Variants in SIT1 observed in about 807,000 individuals in gnomAD.
SIT1 encodes the protein signaling threshold-regulating transmembrane adapter 1.
Under a neutral mutation model 23.5 loss-of-function variants are expected in SIT1, and 19 were observed. The observed-to-expected ratio is 0.81, with a 90% CI of 0.56 to 1.19. The LOEUF is 1.19. Ranked by LOEUF, SIT1 falls within the 50% of genes most tolerant of loss-of-function variation. The probability of loss-of-function intolerance (pLI) is 0.00; values close to 1 mark genes in which losing one functional copy is unlikely to be tolerated. For missense variants in SIT1, 213 were observed against 254.9 expected, an observed-to-expected ratio of 0.84 and a Z score of 1.12; for synonymous variants, 114 against 109.1, an observed-to-expected ratio of 1.04 and a Z score of -0.28.
Position 35,649,936 on chromosome 9 carries a change from AGCTCCGGCTCGGGGC to A in SIT1, c.488_502del (p.Gly163_Leu168delinsVal). The A allele has an allele frequency of 6.3e-7, 1 of 1,585,438 alleles. No individual in the cohort carries two copies. The highest frequency in any genetic ancestry group is 8.6e-7 in the Non-Finnish European group (1 of 1,166,118). ...GGTCTGGGCACATACTGAGGCATAG[AGCTCCGGCTCGGGGC>A]CCGAGGCCTGGGACTTTGGCTCAGA... On this transcript the variant is annotated inframe_deletion, in exon 5 of 5. Transcript: ENST00000259608.
Position 35,650,319 on chromosome 9 carries a change from C to T in SIT1, c.295+38G>A. On this transcript the variant is annotated intron_variant, in intron 3 of 4. Transcript: ENST00000259608. This position sits in a 1 kb window ranked among gnomAD's most constrained non-coding sequence, Gnocchi z 4.8. ...ACGCCCCCATCCCAGCCACCCAGGA[C>T]CTGGCCTCTGTGCCCCTCCTCTCTG... The T allele has an allele frequency of 6.2e-7, 1 of 1,613,222 alleles. No homozygotes were observed. Among genetic ancestry groups the T allele is most frequent in the Non-Finnish European group, 8.5e-7 (1 of 1,179,332 alleles).
chr9:35,649,487 T>A lies in SIT1; in HGVS notation c.*361A>T. The A allele has an allele frequency of 5.3e-6, 1 of 188,258 alleles. No homozygotes were observed. Among genetic ancestry groups the A allele is most frequent in the Non-Finnish European group, 1.1e-5 (1 of 92,056 alleles). The allele number at this position is 188,258 out of a possible 1,614,324, so 11.7% of individuals were successfully genotyped here. A position where few individuals can be genotyped will look rare whatever the true frequency, so the allele number is the denominator to read the frequency against. The stretch of plus-strand genomic sequence containing the variant: ...CCACCCACTGTCAGGCCCTTACCCC[T>A]CCCCCACCGCCCACTTCCTGTGCCT... On this transcript the variant is annotated 3_prime_UTR_variant, in exon 5 of 5. Transcript: ENST00000259608.
At position 35,650,402 on chromosome 9, in the gene SIT1, C is replaced by T. The variant is rs1382532622; in HGVS notation, c.250G>A (p.Val84Met). The change falls in exon 3 of 5, where the codon GTG (valine) becomes ATG (methionine). Residue 84 changes from valine to methionine, a missense_variant. Val to Met is a conservative substitution (Grantham distance 21, BLOSUM62 1). Coordinates refer to ENST00000259608, the MANE Select transcript of SIT1 (RefSeq NM_014450.3). The surrounding 1 kb of genome is among the most constrained non-coding windows in gnomAD (Gnocchi z 4.8). ...HPGQGRSGESVEEVPLYGNLH... is the reference protein window; with the variant it reads ...HPGQGRSGESMEEVPLYGNLH... The stretch of plus-strand genomic sequence containing the variant: ...TTCCCATACAGCGGGACCTCTTCCA[C>T]AGACTCTCCAGAGCTGCAACGCAGA... 5 of 1,614,146 alleles carry T rather than the reference C, an allele frequency of 3.1e-6. No homozygotes were observed. Among genetic ancestry groups the T allele is most frequent in the Non-Finnish European group, 4.2e-6 (5 of 1,180,008 alleles).
rs1273419621 is a variant in SIT1, at chr9:35,650,467, T to G, written c.236+35A>C. On this transcript the variant is annotated intron_variant, in intron 2 of 4. Transcript: ENST00000259608. This position sits in a 1 kb window ranked among gnomAD's most constrained non-coding sequence, Gnocchi z 4.8. ...TGGGGACTTCTCGGTAAGAGAGAACTCTCAGTCAACCCATCCCTGTTGTCC... is the reference window on the plus strand; with the variant it reads ...TGGGGACTTCTCGGTAAGAGAGAACGCTCAGTCAACCCATCCCTGTTGTCC... 6.2e-7 allele frequency: 1 copy of G among 1,613,894 alleles called. No individual in the cohort carries two copies. The highest frequency in any genetic ancestry group is 1.3e-5 in the African/African-American group (1 of 74,972).
At position 35,650,688 on chromosome 9, in the gene SIT1, G is replaced by A. The variant is rs1823460419; in HGVS notation, c.101-51C>T. On this transcript the variant is annotated intron_variant, in intron 1 of 4. Coordinates refer to ENST00000259608, the MANE Select transcript of SIT1 (RefSeq NM_014450.3). This position sits in a 1 kb window ranked among gnomAD's most constrained non-coding sequence, Gnocchi z 4.8. ...GTAACAGCCCCGCCCCACCCCCAGG[G>A]CCCAGCAGGTGGGACCTGGGGCCAC... 4 of 1,610,994 alleles carry A rather than the reference G, an allele frequency of 2.5e-6. No homozygotes were observed. The highest frequency in any genetic ancestry group is 3.4e-6 in the Non-Finnish European group (4 of 1,178,030).
Position 35,650,336 on chromosome 9 carries a change from T to C in SIT1, c.295+21A>G. ...ACCCAGGACCTGGCCTCTGTGCCCC[T>C]CCTCTCTGCCAGCTCCCTACCTGTC... On this transcript the variant is annotated intron_variant, in intron 3 of 4. Transcript: ENST00000259608. The surrounding 1 kb of genome is among the most constrained non-coding windows in gnomAD (Gnocchi z 4.8). 1 of 1,613,818 alleles carries C rather than the reference T, an allele frequency of 6.2e-7. No individual in the cohort carries two copies. Among genetic ancestry groups the C allele is most frequent in the Non-Finnish European group, 8.5e-7 (1 of 1,179,828 alleles).
rs757045031 is a variant in SIT1 at position 35,650,844 on chromosome 9, C to A, written c.10G>T (p.Ala4Ser). The A allele has an allele frequency of 6.2e-7, 1 of 1,609,716 alleles. No homozygotes were observed. The highest frequency in any genetic ancestry group is 8.5e-7 in the Non-Finnish European group (1 of 1,177,870). Residue 4 changes from alanine (A) to serine (S), a missense_variant, in exon 1 of 5, where the codon GCT becomes TCT. Coordinates refer to ENST00000259608, the MANE Select transcript of SIT1 (RefSeq NM_014450.3). The surrounding 1 kb of genome is among the most constrained non-coding windows in gnomAD (Gnocchi z 4.8). MNQADPRLRAVCLW... is the reference protein window; with the variant it reads MNQSDPRLRAVCLW... ...CACACTGCTCTGAGCCGAGGGTCAG[C>A]CTGGTTCATGGCCTGACGGTTTCCA...
Position 35,650,882 on chromosome 9 carries a change from C to G in SIT1, c.-29G>C. Reference sequence around the variant, plus strand: ...CTGACGGTTTCCACAGCACTTCTTACTCCCATCCCTCCTCAGGCCCGTACC... The same window carrying G: ...CTGACGGTTTCCACAGCACTTCTTAGTCCCATCCCTCCTCAGGCCCGTACC... On this transcript the variant is annotated 5_prime_UTR_variant, in exon 1 of 5. Coordinates refer to ENST00000259608, the MANE Select transcript of SIT1 (RefSeq NM_014450.3). The surrounding 1 kb of genome is among the most constrained non-coding windows in gnomAD (Gnocchi z 4.8). 2 of 1,517,740 alleles carry G rather than the reference C, an allele frequency of 1.3e-6. No homozygotes were observed. Among genetic ancestry groups the G allele is most frequent in the Non-Finnish European group, 1.8e-6 (2 of 1,107,732 alleles). 94.0% of individuals were successfully genotyped at this position (1,517,740 alleles called of 1,614,324 possible).
chr9:35,650,482 C>A lies in SIT1; in HGVS notation c.236+20G>T. On this transcript the variant is annotated intron_variant, in intron 2 of 4. Coordinates refer to ENST00000259608, the MANE Select transcript of SIT1 (RefSeq NM_014450.3). This position sits in a 1 kb window ranked among gnomAD's most constrained non-coding sequence, Gnocchi z 4.8. ...AAGAGAGAACTCTCAGTCAACCCAT[C>A]CCTGTTGTCCTTCACCCACCGTCCC... 1 of 1,614,036 alleles carries A rather than the reference C, an allele frequency of 6.2e-7. No homozygotes were observed. Among genetic ancestry groups the A allele is most frequent in the Non-Finnish European group, 8.5e-7 (1 of 1,179,960 alleles).
Position 35,650,507 on chromosome 9 carries a change from C to G in SIT1, c.231G>C (p.Gln77His). The change falls in exon 2 of 5, where the codon CAG (glutamine) becomes CAC (histidine). Residue 77 changes from glutamine (Q) to histidine (H), a missense_variant. Transcript: ENST00000259608. The surrounding 1 kb of genome is among the most constrained non-coding windows in gnomAD (Gnocchi z 4.8). ...CCCTGTTGTCCTTCACCCACCGTCC[C>G]TGCCCCGGATGGCTCCTGCTCCGGC... The part of the protein sequence containing the change: ...TRGRSRSHPG[Q>H]GRSGESVEEV... The G allele has an allele frequency of 6.2e-7, 1 of 1,614,106 alleles. No homozygotes were observed.
Position 35,649,744 on chromosome 9 carries a change from G to T in SIT1, c.*104C>A. On this transcript the variant is annotated 3_prime_UTR_variant, in exon 5 of 5. Transcript: ENST00000259608. ...AAGTCCGGGGTAGATCACATCCTGTGACTTGGCAATGGCGCCCGTCTTTGG... is the reference window on the plus strand; with the variant it reads ...AAGTCCGGGGTAGATCACATCCTGTTACTTGGCAATGGCGCCCGTCTTTGG... The T allele has an allele frequency of 1.2e-6, 1 of 832,764 alleles. No individual in the cohort carries two copies. The highest frequency in any genetic ancestry group is 1.9e-5 in the South Asian group (1 of 51,976). 51.6% of individuals were successfully genotyped at this position (832,764 alleles called of 1,614,324 possible). A position where few individuals can be genotyped will look rare whatever the true frequency, so the allele number is the denominator to read the frequency against.
chr9:35,649,911 G>T lies in SIT1; in HGVS notation c.528C>A (p.Thr176=), dbSNP rs756725182. 1.3e-6 allele frequency: 2 copies of T among 1,586,178 alleles called. No homozygotes were observed. The highest frequency in any genetic ancestry group is 1.2e-5 in the South Asian group (1 of 86,800). ...PELYASVCAQ[T]RRARASFPDQ... ...CCGGGAAGGAGGCCCGGGCCCTGCGGGTCTGGGCACATACTGAGGCATAGA... is the reference window on the plus strand; with the variant it reads ...CCGGGAAGGAGGCCCGGGCCCTGCGTGTCTGGGCACATACTGAGGCATAGA... Residue 176 remains threonine (T), a synonymous_variant, in exon 5 of 5, where the codon ACC becomes ACA. Transcript: ENST00000259608.
chr9:35,649,679 A>G lies in SIT1; in HGVS notation c.*169T>C. On this transcript the variant is annotated 3_prime_UTR_variant, in exon 5 of 5. Coordinates refer to ENST00000259608, the MANE Select transcript of SIT1 (RefSeq NM_014450.3). ...ACTGTCTTTGCCTCCTCCATCACGA[A>G]AGCTTTGCCCTGAGATGTCTCCCTT... The G allele has an allele frequency of 1.9e-6, 1 of 526,402 alleles. No individual in the cohort carries two copies. Among genetic ancestry groups the G allele is most frequent in the South Asian group, 3.2e-5 (1 of 31,462 alleles). The allele number at this position is 526,402 out of a possible 1,614,324, so 32.6% of individuals were successfully genotyped here.
chr9:35,650,208 A>G lies in SIT1; in HGVS notation c.333T>C (p.Asp111=), dbSNP rs1023386327. Residue 111 remains aspartate, a synonymous_variant, in exon 4 of 5, where the codon GAT becomes GAC. Transcript: ENST00000259608. This position sits in a 1 kb window ranked among gnomAD's most constrained non-coding sequence, Gnocchi z 4.8. ...LSQDPEPDQQ[D]PTLGGPARAA... ...CCCTGGCAGGGCCTCCAAGAGTTGG[A>G]TCCTGCTGGTCTGGCTCTGGGTCTT... is the stretch of plus-strand genomic sequence containing the variant. 4.3e-6 allele frequency: 7 copies of G among 1,613,612 alleles called. No homozygotes were observed. The African/African-American group carries it at 8.0e-5, about 18-fold the overall frequency.
Position 35,650,797 on chromosome 9 carries a change from T to G in SIT1, c.57A>C (p.Ala19=). ...RAVCLWTLTS[A]AMSRGDNCTD... is the part of the protein sequence containing the mutation. The stretch of plus-strand genomic sequence containing the variant: ...TGCAGTTGTCGCCTCTGCTCATGGC[T>G]GCAGATGTGAGAGTCCACAAGCACA... The change falls in exon 1 of 5, where the codon GCA becomes GCC. Residue 19 remains alanine (A), a synonymous_variant. Coordinates refer to ENST00000259608, the MANE Select transcript of SIT1 (RefSeq NM_014450.3). The surrounding 1 kb of genome is among the most constrained non-coding windows in gnomAD (Gnocchi z 4.8). 1.2e-6 allele frequency: 2 copies of G among 1,613,740 alleles called. No homozygotes were observed. The highest frequency in any genetic ancestry group is 1.7e-5 in the Admixed American group (1 of 59,980).
Position 35,649,724 on chromosome 9 carries a change from CG to C in SIT1, c.*123del. On this transcript the variant is annotated 3_prime_UTR_variant, in exon 5 of 5. Transcript: ENST00000259608. ...TCCCTTGAAGCTCAGATAGGAAGTC[CG>C]GGGTAGATCACATCCTGTGACTTGG... The C allele has an allele frequency of 1.4e-6, 1 of 691,366 alleles. No individual in the cohort carries two copies. The highest frequency in any genetic ancestry group is 2.8e-5 in the East Asian group (1 of 35,526). The allele number at this position is 691,366 out of a possible 1,614,324, so 42.8% of individuals were successfully genotyped here. A position where few individuals can be genotyped will look rare whatever the true frequency, so the allele number is the denominator to read the frequency against.
In SIT1 at chr9:35,650,648, G is replaced by T. The variant is rs1413040537; in HGVS notation, c.101-11C>A. 1.2e-6 allele frequency: 2 copies of T among 1,613,434 alleles called. No individual in the cohort carries two copies. Among genetic ancestry groups the T allele is most frequent in the East Asian group, 2.2e-5 (1 of 44,860 alleles). The stretch of plus-strand genomic sequence containing the variant: ...TTATGGAGGGGATTCCTGTGGATGT[G>T]AAAGGAAGGGGGGTGTAACAGCCCC... On this transcript the variant is annotated splice_polypyrimidine_tract_variant and intron_variant, in intron 1 of 4. Coordinates refer to ENST00000259608, the MANE Select transcript of SIT1 (RefSeq NM_014450.3). This position sits in a 1 kb window ranked among gnomAD's most constrained non-coding sequence, Gnocchi z 4.8.
In SIT1 at chr9:35,650,657, G is replaced by C. The variant is rs779303547; in HGVS notation, c.101-20C>G. 1.7e-5 allele frequency: 27 copies of C among 1,613,242 alleles called. No individual in the cohort carries two copies. In the South Asian group the frequency reaches 2.3e-4, roughly 14 times the overall value. ...GGATTCCTGTGGATGTGAAAGGAAGGGGGGTGTAACAGCCCCGCCCCACCC... is the reference window on the plus strand; with the variant it reads ...GGATTCCTGTGGATGTGAAAGGAAGCGGGGTGTAACAGCCCCGCCCCACCC... On this transcript the variant is annotated intron_variant, in intron 1 of 4. Transcript: ENST00000259608. This position sits in a 1 kb window ranked among gnomAD's most constrained non-coding sequence, Gnocchi z 4.8.
At position 35,650,709 on chromosome 9, in the gene SIT1, G is replaced by A. The variant is rs745946180; in HGVS notation, c.100+45C>T. On this transcript the variant is annotated intron_variant, in intron 1 of 4. Transcript: ENST00000259608. The surrounding 1 kb of genome is among the most constrained non-coding windows in gnomAD (Gnocchi z 4.8). ...CAGGGCCCAGCAGGTGGGACCTGGGGCCACATGACCCCTCCCCCACCAGCC... is the reference window on the plus strand; with the variant it reads ...CAGGGCCCAGCAGGTGGGACCTGGGACCACATGACCCCTCCCCCACCAGCC... The A allele has an allele frequency of 2.5e-6, 4 of 1,610,918 alleles. No individual in the cohort carries two copies. The highest frequency in any genetic ancestry group is 1.7e-5 in the Admixed American group (1 of 59,930).
Sources: allele counts gnomAD v4.1 joint callset, GRCh38; gene constraint gnomAD v4.1.1; non-coding constraint Gnocchi (gnomAD v3.1); transcripts MANE v1.5; gene names NCBI Gene and HGNC (gene_info 2026-07-23, HGNC 2026-07-21).